Variants in RFX3 observed in about 807,000 individuals in gnomAD.
The protein encoded by RFX3 is regulatory factor X3.
In RFX3, 14 loss-of-function variants were observed where a neutral mutation model predicts 98.6. That is an observed-to-expected ratio of 0.14 (90% CI 0.09 to 0.22). RFX3 has a LOEUF of 0.22. RFX3 is among the 10% of genes least tolerant of loss of function. The probability of loss-of-function intolerance (pLI) is 1.00; values close to 1 mark genes in which losing one functional copy is unlikely to be tolerated. For synonymous variants in RFX3, 383 were observed against 328.4 expected (o/e 1.17, Z -1.80); for missense variants, 639 against 926.9 (o/e 0.69, Z 4.03).
intron 1 of RFX3, among the ~76,000 whole-genome samples, chr9:3,451,103 T>TA (rs1301796423): frequency 1.3e-5 from 2 of 151,952 alleles, no homozygotes; most frequent in Non-Finnish European, 2.9e-5. Flanking sequence ...AAAACAAAAA[T>TA]AAAACACAAT....
intron 11 of RFX3, among the ~76,000 whole-genome samples, chr9:3,266,577 A>T (rs1711930959): frequency 6.6e-6 from 1 of 152,082 alleles, no homozygotes; most frequent in African/African-American, 2.4e-5. Flanking sequence ...TGCTTACAGC[A>T]ACATATACCA....
intron 16 of RFX3, among the ~76,000 whole-genome samples, chr9:3,226,207 G>A (rs1348547637): frequency 6.6e-6 from 1 of 152,040 alleles, no homozygotes; most frequent in Non-Finnish European, 1.5e-5. Flanking sequence ...ACTGTTCTAT[G>A]GCATATCACA....
chr9:3,465,038 C>T (rs1333429957), intron 1 of RFX3, among the ~76,000 whole-genome samples: 2 of 152,048 alleles, frequency 1.3e-5, no homozygotes, highest in Non-Finnish European at 2.9e-5. Context: ...GGACCTGTTC[C>T]TAATTAAGGT....
At chr9:3,307,158 G>A (rs1829423713) in intron 4 of RFX3, among the ~76,000 whole-genome samples, 1 of 152,136 alleles carries the variant, frequency 6.6e-6, no homozygotes, top group Admixed American at 6.6e-5. Context: ...CAGCCACGAT[G>A]AACTGTGAGC....
intron 1 of RFX3, among the ~76,000 whole-genome samples, chr9:3,493,354 G>T (rs954804474): frequency 1.3e-5 from 2 of 151,908 alleles, no homozygotes; most frequent in Non-Finnish European, 2.9e-5. Flanking sequence ...TCTCCCTAAA[G>T]GGCCACTTTC....
chr9:3,509,547 T>C (rs1052937187), intron 1 of RFX3, among the ~76,000 whole-genome samples: 1 of 151,932 alleles, frequency 6.6e-6, no homozygotes, highest in African/African-American at 2.4e-5. Flanking sequence ...ACCTAGTAAG[T>C]ATGGCATTTC....
intron 15 of RFX3, among the ~76,000 whole-genome samples, chr9:3,245,724 T>C (rs966570372): frequency 6.6e-6 from 1 of 152,186 alleles, no homozygotes; most frequent in Non-Finnish European, 1.5e-5. Flanking sequence ...TCTCAGTAAA[T>C]AGTGACAATT....
intron 1 of RFX3, among the ~76,000 whole-genome samples, chr9:3,437,559 G>A (rs569033794): frequency 6.6e-6 from 1 of 152,194 alleles, no homozygotes; most frequent in Non-Finnish European, 1.5e-5. Flanking sequence ...TTCAAGCAAG[G>A]GGGAACTTGG....
chr9:3,489,342 C>A (rs988144639), intron 1 of RFX3: 7 of 716,434 alleles, frequency 9.8e-6, no homozygotes, highest in African/African-American at 9.6e-5. Context: ...CACCTATCCA[C>A]CCCACCCTGA....
At chr9:3,239,762 T>C (rs7856125) in intron 15 of RFX3, among the ~76,000 whole-genome samples, 19,688 of 152,208 alleles carry the variant, frequency 0.13, 1,446 homozygotes, top group African/African-American at 0.19. Flanking sequence ...GTGTTTTCCA[T>C]TGCCAGTCCC....
chr9:3,273,587 G>C (rs1763880535), intron 9 of RFX3, among the ~76,000 whole-genome samples: 1 of 151,982 alleles, frequency 6.6e-6, no homozygotes, highest in South Asian at 2.1e-4. Context: ...TTATAGGGTG[G>C]GCACAGTGGC....
intron 1 of RFX3, among the ~76,000 whole-genome samples, chr9:3,525,397 G>C (rs1413597166): frequency 6.6e-6 from 1 of 152,222 alleles, no homozygotes; most frequent in Non-Finnish European, 1.5e-5. Context: ...CCAGACCTAA[G>C]GGAAAGATCC....
chr9:3,296,765 G>A (rs1434739981), intron 5 of RFX3, among the ~76,000 whole-genome samples: 5 of 152,016 alleles, frequency 3.3e-5, no homozygotes, highest in Non-Finnish European at 5.9e-5. Flanking sequence ...CTGAAAGGAT[G>A]GAGATGGCTT....
chr9:3,386,121 C>T (rs183767515), intron 2 of RFX3, among the ~76,000 whole-genome samples: 4 of 152,098 alleles, frequency 2.6e-5, no homozygotes, highest in East Asian at 3.9e-4. Context: ...GAAGGAGGAA[C>T]AAAAGTTCTT....
chr9:3,219,994 T>C lies in RFX3; in HGVS notation c.*5048A>G, dbSNP rs890623932. The C allele has an allele frequency of 6.6e-6, 1 of 152,180 alleles. No individual in the cohort carries two copies. The highest frequency in any genetic ancestry group is 1.5e-5 in the Non-Finnish European group (1 of 68,036). The allele number at this position is 152,180 out of a possible 1,614,324, so 9.4% of individuals were successfully genotyped here. On this transcript the variant is annotated 3_prime_UTR_variant, in exon 17 of 17. Transcript: ENST00000617270. ...AATCAAGTGCACGAAGAGATTCCCT[T>C]GAACAAAATCAGCAATGGTGTAAGC...
At chr9:3,391,172 A>C (rs1840271624) in intron 2 of RFX3, among the ~76,000 whole-genome samples, 1 of 152,182 alleles carries the variant, frequency 6.6e-6, no homozygotes, top group Non-Finnish European at 1.5e-5. Context: ...TTGCAAACCC[A>C]AGATAATAGC....
intron 4 of RFX3, among the ~76,000 whole-genome samples, chr9:3,318,342 A>G (rs1286804114): frequency 2.0e-5 from 3 of 152,046 alleles, no homozygotes; most frequent in East Asian, 3.9e-4. Context: ...TGGACACAGG[A>G]AGGGGAACAT....
chr9:3,462,771 A>G (rs1847812840), intron 1 of RFX3, among the ~76,000 whole-genome samples: 1 of 152,128 alleles, frequency 6.6e-6, no homozygotes, highest in South Asian at 2.1e-4. Context: ...AAATACTAGC[A>G]TTGCTAATAT....
chr9:3,487,286 G>C (rs868388155), intron 1 of RFX3, among the ~76,000 whole-genome samples: 2 of 152,106 alleles, frequency 1.3e-5, no homozygotes, highest in South Asian at 4.1e-4. Flanking sequence ...AAAGAATGAG[G>C]ATATTTACTA....
Sources: allele counts gnomAD v4.1 joint callset (sites outside exome capture counted in the v4.1 genomes callset), GRCh38; gene constraint gnomAD v4.1.1; transcripts MANE v1.5; gene names NCBI Gene and HGNC (gene_info 2026-07-23, HGNC 2026-07-21).